GLRB: variants seen among roughly 807,000 people sequenced by gnomAD.
GLRB encodes glycine receptor beta, also known as glycine receptor subunit beta.
GLRB carries 33 observed loss-of-function variants against 54.2 expected under a neutral mutation model. The ratio of observed to expected loss-of-function variants is 0.61; its 90% confidence interval spans 0.46 to 0.81. The LOEUF is 0.81. Among genes scored for constraint, GLRB ranks in the 40% least tolerant of loss-of-function variants. The pLI, the probability that GLRB is intolerant of heterozygous loss-of-function variation, is 0.00. For synonymous variants in GLRB, 209 were observed against 208.2 expected, an observed-to-expected ratio of 1.00 and a Z score of -0.03; for missense variants, 572 against 584.6, an observed-to-expected ratio of 0.98 and a Z score of 0.22.
intron 4 of GLRB, 152 bp from the exon 5 acceptor site, chr4:157,136,317 T>C: frequency 1.6e-6 from 1 of 641,714 alleles, no homozygotes; most frequent in Non-Finnish European, 2.8e-6. Context: ...GAGCTCTCCT[T>C]TAGTGACACA....
At chr4:157,131,907 AGCTCC>A (rs1464482388) in intron 4 of GLRB, among the ~76,000 whole-genome samples, 1 of 151,826 alleles carries the variant, frequency 6.6e-6, no homozygotes, top group Non-Finnish European at 1.5e-5. Context: ...ACATGTTTTC[AGCTCC>A]TTTGGGCAAA....
At chr4:157,167,788 A>G (rs1289152006) in intron 9 of GLRB, among the ~76,000 whole-genome samples, 4 of 152,184 alleles carry the variant, frequency 2.6e-5, no homozygotes, top group Non-Finnish European at 5.9e-5. Flanking sequence ...AAGCTGTACT[A>G]GAAGCATGGC....
intron 4 of GLRB, among the ~76,000 whole-genome samples, chr4:157,128,366 A>G (rs1736091668): frequency 6.6e-6 from 1 of 151,874 alleles, no homozygotes; most frequent in African/African-American, 2.4e-5. Flanking sequence ...AGAGTACTGT[A>G]TTAGGCATTG....
rs545980239 is a variant in GLRB, at chr4:157,092,148, A to G, written c.122+14002A>G. The stretch of plus-strand genomic sequence containing the variant: ...CCTGATCTTTAAGATAAAATCATTA[A>G]CAATGTGATTTCTTAGGGTAATTGA... On this transcript the variant is annotated intron_variant, in intron 2 of 9. Transcript: ENST00000264428. 1.3e-4 allele frequency among the ~76,000 whole-genome samples: 20 copies of G among 152,294 alleles called. No individual in the cohort carries two copies. The South Asian group carries it at 4.1e-3, about 32-fold the overall frequency.
At chr4:157,139,639 A>G (rs1425864855) in intron 7 of GLRB, among the ~76,000 whole-genome samples, 1 of 152,020 alleles carries the variant, frequency 6.6e-6, no homozygotes, top group Non-Finnish European at 1.5e-5. Context: ...GGTTTTAGAT[A>G]CTGAATATAG....
intron 2 of GLRB, among the ~76,000 whole-genome samples, chr4:157,100,467 C>T (rs115564104): frequency 6.6e-6 from 1 of 152,260 alleles, no homozygotes; most frequent in Non-Finnish European, 1.5e-5. Flanking sequence ...GTGCCAGTAA[C>T]ACACTCCCCT....
intron 9 of GLRB, among the ~76,000 whole-genome samples, chr4:157,167,714 T>C (rs1737764539): frequency 1.3e-5 from 2 of 152,170 alleles, no homozygotes; most frequent in African/African-American, 4.8e-5. Flanking sequence ...TGTGCTGCTA[T>C]AAAGGAAATA....
At chr4:157,151,338 T>C (rs1265689315) in intron 8 of GLRB, among the ~76,000 whole-genome samples, 3 of 152,100 alleles carry the variant, frequency 2.0e-5, no homozygotes, top group African/African-American at 4.8e-5. Context: ...TTTAGGGCAG[T>C]AATTGATAAG....
intron 2 of GLRB, among the ~76,000 whole-genome samples, chr4:157,084,945 G>A (rs1734354260): frequency 1.3e-5 from 2 of 152,074 alleles, no homozygotes; most frequent in African/African-American, 4.8e-5. Context: ...AAAAGGATAT[G>A]GATAATCTAT....
chr4:157,127,476 T>C (rs1736056337), intron 4 of GLRB, among the ~76,000 whole-genome samples: 1 of 151,942 alleles, frequency 6.6e-6, no homozygotes, highest in Non-Finnish European at 1.5e-5. Flanking sequence ...AATTCTTATA[T>C]GAAATTTCTA....
At chr4:157,134,569 T>C (rs1736333629) in intron 4 of GLRB, among the ~76,000 whole-genome samples, 2 of 152,218 alleles carry the variant, frequency 1.3e-5, no homozygotes, top group East Asian at 1.9e-4. Flanking sequence ...TATACATATA[T>C]GTAATATTCT....
intron 8 of GLRB, among the ~76,000 whole-genome samples, chr4:157,151,022 T>G (rs1004731115): frequency 6.6e-6 from 1 of 152,078 alleles, no homozygotes; most frequent in Non-Finnish European, 1.5e-5. Context: ...AAAAAGCCAC[T>G]ACAGAACTCT....
At chr4:157,168,851 T>C (rs1476996008) in intron 9 of GLRB, among the ~76,000 whole-genome samples, 1 of 152,156 alleles carries the variant, frequency 6.6e-6, no homozygotes, top group Admixed American at 6.6e-5. Context: ...ATGCTCATAA[T>C]TAGAGAAGAA....
At chr4:157,107,135 G>A (rs1382744239) in intron 2 of GLRB, among the ~76,000 whole-genome samples, 3 of 152,106 alleles carry the variant, frequency 2.0e-5, no homozygotes, top group East Asian at 3.9e-4. Flanking sequence ...TACTAAATGT[G>A]GTGTGTGAAC....
At chr4:157,162,458 T>C (rs889972906) in intron 9 of GLRB, among the ~76,000 whole-genome samples, 1 of 152,210 alleles carries the variant, frequency 6.6e-6, no homozygotes, top group Non-Finnish European at 1.5e-5. Flanking sequence ...GGTTTCTCCC[T>C]ATCTTTGTGG....
At chr4:157,156,576 G>A (rs914772625) in intron 9 of GLRB, among the ~76,000 whole-genome samples, 1 of 152,104 alleles carries the variant, frequency 6.6e-6, no homozygotes, top group Non-Finnish European at 1.5e-5. Context: ...CTTGGACAAT[G>A]TCTTCTGTTA....
At chr4:157,169,966 T>C (rs963769795) in intron 9 of GLRB, among the ~76,000 whole-genome samples, 1 of 152,134 alleles carries the variant, frequency 6.6e-6, no homozygotes, top group Non-Finnish European at 1.5e-5. Flanking sequence ...ATTGGAGAGA[T>C]AAATTACTTA....
At chr4:157,145,613 A>T (rs1453793794) in intron 8 of GLRB, among the ~76,000 whole-genome samples, 1 of 152,226 alleles carries the variant, frequency 6.6e-6, no homozygotes, top group Non-Finnish European at 1.5e-5. Context: ...GCTAATAAAT[A>T]GTTAATAAAA....
At chr4:157,078,405 A>C (rs1490629788) in intron 2 of GLRB, 2 of 180,206 alleles carry the variant, frequency 1.1e-5, no homozygotes, top group East Asian at 3.8e-4. Flanking sequence ...CTGTTTACAA[A>C]AGTAGAAAAA....
Sources: allele counts gnomAD v4.1 joint callset (sites outside exome capture counted in the v4.1 genomes callset), GRCh38; gene constraint gnomAD v4.1.1; transcripts MANE v1.5; gene names NCBI Gene and HGNC (gene_info 2026-07-23, HGNC 2026-07-21).